Variants in NME7 observed in about 807,000 individuals in gnomAD.
NME7 encodes the protein nucleoside diphosphate kinase 7.
Under a neutral mutation model 49.1 loss-of-function variants are expected in NME7, and 41 were observed. The observed-to-expected ratio is 0.83, with a 90% CI of 0.65 to 1.08. NME7 has a LOEUF of 1.08. Among genes scored for constraint, NME7 ranks in the 50% least tolerant of loss-of-function variants. The pLI is 0.00. For missense variants in NME7, 423 were observed against 463.4 expected, an observed-to-expected ratio of 0.91 and a Z score of 0.80; for synonymous variants, 139 against 150.6, an observed-to-expected ratio of 0.92 and a Z score of 0.56.
intron 9 of NME7, among the ~76,000 whole-genome samples, chr1:169,232,325 C>A (rs1441903869): frequency 1.3e-5 from 2 of 151,842 alleles, no homozygotes; most frequent in Non-Finnish European, 2.9e-5. Flanking sequence ...GCAACCATGT[C>A]AAGCTGTCTA....
intron 7 of NME7, among the ~76,000 whole-genome samples, chr1:169,244,946 T>C (rs1648247408): frequency 6.6e-6 from 1 of 152,014 alleles, no homozygotes; most frequent in South Asian, 2.1e-4. Context: ...CTGGCCAACA[T>C]GGAGAAACCC....
chr1:169,242,756 A>G (rs925673661), intron 7 of NME7, among the ~76,000 whole-genome samples: 2 of 151,152 alleles, frequency 1.3e-5, no homozygotes, highest in African/African-American at 4.9e-5. Context: ...GATCAGTTGT[A>G]TTTCTACACA....
At chr1:169,173,326 T>C (rs1659656739) in intron 10 of NME7, among the ~76,000 whole-genome samples, 1 of 152,050 alleles carries the variant, frequency 6.6e-6, no homozygotes, top group African/African-American at 2.4e-5. Flanking sequence ...CTCTTAAGAG[T>C]TGTAATCGTC....
intron 1 of NME7, among the ~76,000 whole-genome samples, chr1:169,339,207 T>C (rs1652593935): frequency 6.6e-6 from 1 of 152,208 alleles, no homozygotes. Flanking sequence ...TAAGTCTGTT[T>C]ACTTATATTT....
intron 7 of NME7, among the ~76,000 whole-genome samples, chr1:169,272,056 T>C (rs1045211810): frequency 7.6e-6 from 1 of 132,302 alleles, no homozygotes; most frequent in African/African-American, 2.5e-5. Flanking sequence ...CAAAGTTTAT[T>C]CTGCCATCTG....
chr1:169,342,800 CAAGTACATATATATATAGTATAT>C (rs1652794998), intron 1 of NME7, among the ~76,000 whole-genome samples: 1 of 38,446 alleles, frequency 2.6e-5, no homozygotes, highest in Non-Finnish European at 4.1e-5. Flanking sequence ...TATATATATA[CAAGTACATATATATATAGTATAT>C]ATATATACAA....
intron 1 of NME7, among the ~76,000 whole-genome samples, chr1:169,356,312 G>A (rs1407719675): frequency 6.6e-6 from 1 of 152,090 alleles, no homozygotes; most frequent in African/African-American, 2.4e-5. Context: ...CTTTTGTCAG[G>A]TGCTAAAGTG....
chr1:169,285,001 T>A (rs1489974370), intron 7 of NME7: 2 of 152,158 alleles, frequency 1.3e-5, no homozygotes, highest in African/African-American at 4.8e-5. Flanking sequence ...AAGAACTTTT[T>A]CAAAATGTGA....
At chr1:169,172,236 A>G (rs1208093199) in intron 10 of NME7, among the ~76,000 whole-genome samples, 1 of 151,402 alleles carries the variant, frequency 6.6e-6, no homozygotes, top group Non-Finnish European at 1.5e-5. Flanking sequence ...ATACAATCCT[A>G]TCTGCTTTGA....
intron 1 of NME7, among the ~76,000 whole-genome samples, chr1:169,352,901 A>C (rs1653231093): frequency 6.6e-6 from 1 of 152,046 alleles, no homozygotes; most frequent in Non-Finnish European, 1.5e-5. Flanking sequence ...AAAGAAATTG[A>C]AAAAGCCACT....
chr1:169,324,283 T>C (rs1237780121), intron 2 of NME7, 110 bp downstream of exon 2: 6 of 616,862 alleles, frequency 9.7e-6, no homozygotes, highest in Non-Finnish European at 1.5e-5. Context: ...TATGTATATA[T>C]ACACACACAC....
chr1:169,207,004 T>G (rs867199722), intron 10 of NME7, among the ~76,000 whole-genome samples: 28 of 152,216 alleles, frequency 1.8e-4, no homozygotes, highest in Admixed American at 9.2e-4. Flanking sequence ...CCGTTTGCAT[T>G]GCTATAAAGA....
chr1:169,187,232 G>A (rs1010873851), intron 10 of NME7, among the ~76,000 whole-genome samples: 1 of 151,568 alleles, frequency 6.6e-6, no homozygotes, highest in African/African-American at 2.4e-5. Context: ...ATGATTTCGG[G>A]TGGAGAGTTC....
chr1:169,334,622 C>T (rs1314384715), intron 1 of NME7, among the ~76,000 whole-genome samples: 1 of 152,016 alleles, frequency 6.6e-6, no homozygotes, highest in African/African-American at 2.4e-5. Flanking sequence ...GGAGGAAAAC[C>T]TACACAATAC....
chr1:169,179,140 G>A (rs1302226282), intron 10 of NME7, among the ~76,000 whole-genome samples: 1 of 152,114 alleles, frequency 6.6e-6, no homozygotes, highest in Non-Finnish European at 1.5e-5. Context: ...TTGTATAGCA[G>A]TGAAGTTATA....
intron 7 of NME7, chr1:169,287,075 G>T (rs913225472): frequency 2.2e-6 from 1 of 462,198 alleles, no homozygotes; most frequent in East Asian, 3.8e-5. Flanking sequence ...CTGAGCCTGA[G>T]CATGATCAGC....
intron 1 of NME7, among the ~76,000 whole-genome samples, chr1:169,363,954 C>A (rs780041463): frequency 2.0e-5 from 3 of 152,182 alleles, no homozygotes; most frequent in Non-Finnish European, 4.4e-5. Context: ...CAGTATTGAG[C>A]AAATGTCACT....
At chr1:169,273,494 G>T (rs1277609040) in intron 7 of NME7, among the ~76,000 whole-genome samples, 1 of 129,102 alleles carries the variant, frequency 7.7e-6, no homozygotes, top group African/African-American at 2.6e-5. Context: ...AAGTTTTAGG[G>T]TACATGCGCA....
intron 1 of NME7, among the ~76,000 whole-genome samples, chr1:169,343,220 C>T (rs1345908466): frequency 6.6e-6 from 1 of 151,478 alleles, no homozygotes; most frequent in Non-Finnish European, 1.5e-5. Flanking sequence ...TCTATAGTTT[C>T]TTCTCAGAGC....
Sources: gnomAD v4.1 joint callset for allele counts (sites outside exome capture counted in the v4.1 genomes callset) on GRCh38, gnomAD v4.1.1 for gene constraint, MANE v1.5 for transcripts, NCBI Gene and HGNC (gene_info 2026-07-23, HGNC 2026-07-21) for gene names.